Variants in SMYD3 observed in about 807,000 individuals in gnomAD.
The protein encoded by SMYD3 is histone-lysine N-methyltransferase SMYD3.
SMYD3 carries 36 observed loss-of-function variants against 57.7 expected under a neutral mutation model. The ratio of observed to expected loss-of-function variants is 0.62; its 90% CI spans 0.48 to 0.82. The LOEUF is 0.82. Among genes scored for constraint, SMYD3 ranks in the 40% least tolerant of loss-of-function variants. The pLI, the probability that SMYD3 is intolerant of heterozygous loss-of-function variation, is 0.00. For missense variants in SMYD3, 515 were observed against 538.8 expected (o/e 0.96, Z 0.44); for synonymous variants, 211 against 195.0 (o/e 1.08, Z -0.68).
chr1:246,282,163 T>C (rs1403712718), intron 5 of SMYD3, among the ~76,000 whole-genome samples: 2 of 151,802 alleles, frequency 1.3e-5, no homozygotes, highest in South Asian at 2.1e-4. Flanking sequence ...AAATATAATG[T>C]AGAGGTCTAA....
chr1:246,287,921 A>G (rs115177367), intron 5 of SMYD3, among the ~76,000 whole-genome samples: 2,006 of 152,284 alleles, frequency 0.013, 54 homozygotes, highest in African/African-American at 0.045. Flanking sequence ...CCTTGCTTCC[A>G]TGAGCACAGC....
chr1:246,164,227 A>C lies in SMYD3; in HGVS notation c.531+162974T>G, dbSNP rs1289580699. On this transcript the variant is annotated intron_variant, in intron 5 of 11. Coordinates refer to ENST00000490107, the MANE Select transcript of SMYD3 (RefSeq NM_001167740.2). ...CCTGAGGTCAGGAGTTCCAGACCAG[A>C]CTGGCCAATATGGTGAAACCCTGTC... is the stretch of plus-strand genomic sequence containing the variant. 2.0e-5 allele frequency among the ~76,000 whole-genome samples: 3 copies of C among 152,052 alleles called. No individual in the cohort carries two copies. The East Asian group carries it at 5.8e-4, about 29-fold the overall frequency.
At chr1:245,752,639 A>G (rs1474384397) in intron 11 of SMYD3, among the ~76,000 whole-genome samples, 1 of 152,154 alleles carries the variant, frequency 6.6e-6, no homozygotes, top group African/African-American at 2.4e-5. Context: ...CCACTGATCC[A>G]GTATATTCCT....
rs2065369653 is a variant in SMYD3, at chr1:246,327,222, G to A, written c.510C>T (p.Asp170=). The A allele has an allele frequency of 6.2e-7, 1 of 1,613,988 alleles. No homozygotes were observed. Among genetic ancestry groups the A allele is most frequent in the Non-Finnish European group, 8.5e-7 (1 of 1,180,022 alleles). Residue 170 remains aspartate, a synonymous_variant, in exon 5 of 12, where the codon GAC becomes GAT. Transcript: ENST00000490107. The part of the protein sequence containing the change: ...QDASQLPPAF[D]LFEAFAKVIC... ...TTACTTTTGCAAAGGCTTCAAAAAG[G>A]TCAAAGGCAGGTGGCAGCTGAGAGG...
intron 1 of SMYD3, among the ~76,000 whole-genome samples, chr1:246,497,744 C>G (rs546160388): frequency 6.6e-6 from 1 of 152,182 alleles, no homozygotes; most frequent in South Asian, 2.1e-4. Context: ...GTGGTCTCAG[C>G]TGCTCAGAAA....
intron 5 of SMYD3, among the ~76,000 whole-genome samples, chr1:246,196,230 C>T (rs1228769514): frequency 6.6e-6 from 1 of 152,094 alleles, no homozygotes; most frequent in Non-Finnish European, 1.5e-5. Context: ...TTTGACTGAT[C>T]AATGCTTGTA....
intron 5 of SMYD3, among the ~76,000 whole-genome samples, chr1:246,123,307 C>T (rs1276094973): frequency 1.3e-5 from 2 of 152,132 alleles, no homozygotes; most frequent in South Asian, 2.1e-4. Flanking sequence ...GTGGCTCACG[C>T]CTGTCATCCC....
At chr1:246,061,840 A>T (rs1012573638) in intron 5 of SMYD3, among the ~76,000 whole-genome samples, 1 of 152,244 alleles carries the variant, frequency 6.6e-6, no homozygotes, top group Admixed American at 6.5e-5. Flanking sequence ...GCCTTGATAG[A>T]CCGGCACTAT....
intron 1 of SMYD3, among the ~76,000 whole-genome samples, chr1:246,409,701 A>G (rs1217762606): frequency 6.6e-6 from 1 of 152,094 alleles, no homozygotes. Flanking sequence ...AGTTTTTTCC[A>G]ATTCTGTGAA....
At chr1:246,098,775 A>G (rs1282334111) in intron 5 of SMYD3, among the ~76,000 whole-genome samples, 1 of 151,984 alleles carries the variant, frequency 6.6e-6, no homozygotes, top group Non-Finnish European at 1.5e-5. Flanking sequence ...TCAAAAACAT[A>G]ATTATTATAT....
intron 10 of SMYD3, among the ~76,000 whole-genome samples, chr1:245,849,779 G>T (rs2050865632): frequency 6.6e-6 from 1 of 151,994 alleles, no homozygotes; most frequent in Non-Finnish European, 1.5e-5. Context: ...CATCCTCCCT[G>T]GTGGCTGGGA....
chr1:246,246,132 C>T (rs10924614), intron 5 of SMYD3, among the ~76,000 whole-genome samples: 12,883 of 152,180 alleles, frequency 0.085, 732 homozygotes, highest in East Asian at 0.21. Context: ...TATCAGACAA[C>T]GATCTTACTT....
At chr1:246,034,486 A>G (rs1027439398) in intron 5 of SMYD3, 4 of 152,236 alleles carry the variant, frequency 2.6e-5, no homozygotes, top group Admixed American at 2.0e-4. Flanking sequence ...TTTACAGACA[A>G]TGAAGAAAGA....
intron 10 of SMYD3, among the ~76,000 whole-genome samples, chr1:245,775,660 A>G (rs1283551414): frequency 9.2e-5 from 14 of 151,446 alleles, no homozygotes; most frequent in Admixed American, 9.2e-4. Flanking sequence ...CTATTGTCCT[A>G]TGACCCTGCC....
intron 10 of SMYD3, among the ~76,000 whole-genome samples, chr1:245,858,135 C>T (rs1238422942): frequency 6.6e-6 from 1 of 152,192 alleles, no homozygotes; most frequent in Non-Finnish European, 1.5e-5. Flanking sequence ...CATGACACAG[C>T]CTCTCAAGCT....
chr1:245,870,123 C>T lies in SMYD3; in HGVS notation c.814-6237G>A, dbSNP rs144724608. On this transcript the variant is annotated intron_variant, in intron 8 of 11. Coordinates refer to ENST00000490107, the MANE Select transcript of SMYD3 (RefSeq NM_001167740.2). ...GATAGAGTGAATGAGAAGTGATCTTCCACAACCCATGGGCGACAGTATTAC... is the reference window on the plus strand; with the variant it reads ...GATAGAGTGAATGAGAAGTGATCTTTCACAACCCATGGGCGACAGTATTAC... 5.6e-3 allele frequency among the ~76,000 whole-genome samples: 860 copies of T among 152,266 alleles called. 9 individuals carry two copies. The highest frequency in any genetic ancestry group is 0.02 in the African/African-American group (813 of 41,548).
chr1:245,784,978 T>C (rs576812949), intron 10 of SMYD3, among the ~76,000 whole-genome samples: 7 of 151,328 alleles, frequency 4.6e-5, no homozygotes, highest in East Asian at 3.9e-4. Context: ...GTCTCCTGAG[T>C]AGCTGGGATT....
intron 5 of SMYD3, among the ~76,000 whole-genome samples, chr1:246,097,418 G>A (rs2060935396): frequency 6.6e-6 from 1 of 152,120 alleles, no homozygotes; most frequent in Non-Finnish European, 1.5e-5. Flanking sequence ...GGTTCCAGGA[G>A]AGAGAGCCTA....
intron 8 of SMYD3, among the ~76,000 whole-genome samples, chr1:245,865,301 G>C (rs1238791920): frequency 6.6e-6 from 1 of 152,166 alleles, no homozygotes; most frequent in Non-Finnish European, 1.5e-5. Context: ...GTCAGGCAAT[G>C]AGAGGGCACA....
Sources: gnomAD v4.1 joint callset for allele counts (sites outside exome capture counted in the v4.1 genomes callset) on GRCh38, gnomAD v4.1.1 for gene constraint, MANE v1.5 for transcripts, NCBI Gene and HGNC (gene_info 2026-07-23, HGNC 2026-07-21) for gene names.